SRP19: variants seen among roughly 807,000 people sequenced by gnomAD.
SRP19 encodes the protein signal recognition particle 19 kDa protein.
A neutral mutation model predicts 22.4 loss-of-function variants in SRP19; 11 were observed. The ratio of observed to expected loss-of-function variants is 0.49; its 90% CI spans 0.31 to 0.81. The LOEUF is 0.81. Among genes scored for constraint, SRP19 ranks in the 40% least tolerant of loss-of-function variants. SRP19 has a pLI of 0.05. For missense variants in SRP19, 168 were observed against 175.9 expected (o/e 0.96, Z 0.25); for synonymous variants, 61 against 57.6 (o/e 1.06, Z -0.27).
intron 4 of SRP19, among the ~76,000 whole-genome samples, chr5:112,875,181 T>A (rs892934711): frequency 2.0e-5 from 3 of 152,178 alleles, no homozygotes; most frequent in African/African-American, 7.2e-5. Context: ...AGGAAAACTT[T>A]TAATATCCTC....
rs765408489 is a variant in SRP19 at position 112,867,806 on chromosome 5, C to T, written c.*269C>T. 6 of 1,119,224 alleles carry T rather than the reference C, an allele frequency of 5.4e-6. No individual in the cohort carries two copies. The highest frequency in any genetic ancestry group is 9.4e-5 in the Admixed American group (2 of 21,182). The allele number at this position is 1,119,224 out of a possible 1,614,324, so 69.3% of individuals were successfully genotyped here. On this transcript the variant is annotated 3_prime_UTR_variant, in exon 5 of 5. Transcript: ENST00000505459. Reference sequence around the variant, plus strand: ...ATTTTTAAATGGACAATGGACTGTACAATAAGTTACTTGAAATAAGTTGTT... The same window carrying T: ...ATTTTTAAATGGACAATGGACTGTATAATAAGTTACTTGAAATAAGTTGTT...
At position 112,867,605 on chromosome 5, in the gene SRP19, G is replaced by A. The variant is rs558301950; in HGVS notation, c.*68G>A. The A allele has an allele frequency of 1.9e-5, 28 of 1,441,344 alleles. No homozygotes were observed. The highest frequency in any genetic ancestry group is 7.4e-5 in the East Asian group (3 of 40,612). 89.3% of individuals were successfully genotyped at this position (1,441,344 alleles called of 1,614,324 possible). The stretch of plus-strand genomic sequence containing the variant: ...TGAATGGAGACTTCTAATTTGTATC[G>A]GAGGGAAACAGAAGCTTTTTGTTTG... On this transcript the variant is annotated 3_prime_UTR_variant, in exon 5 of 5. Coordinates refer to ENST00000505459, the MANE Select transcript of SRP19 (RefSeq NM_003135.3).
chr5:112,876,399 A>G (rs894611326), intron 4 of SRP19: 2 of 152,212 alleles, frequency 1.3e-5, no homozygotes, highest in Non-Finnish European at 2.9e-5. Context: ...ATGAGAACTC[A>G]ATTTTATTTA....
At chr5:112,875,357 T>G (rs1184140873) in intron 4 of SRP19, among the ~76,000 whole-genome samples, 1 of 132,550 alleles carries the variant, frequency 7.5e-6, no homozygotes, top group African/African-American at 2.5e-5. Context: ...GAAGTACGTT[T>G]TGTTTTTGTT....
intron 2 of SRP19, among the ~76,000 whole-genome samples, chr5:112,862,894 A>T (rs1345987578): frequency 6.6e-6 from 1 of 152,230 alleles, no homozygotes; most frequent in African/African-American, 2.4e-5. Flanking sequence ...ATAGGAAATC[A>T]AAATTATGAC....
chr5:112,893,061 G>A, exon 5 of SRP19: 1 of 1,106,066 alleles, frequency 9.0e-7, no homozygotes, highest in South Asian at 1.3e-5. Flanking sequence ...GAACTGTTCA[G>A]AGTCCCCAAT....
At chr5:112,862,406 T>C in intron 1 of SRP19, 102 bp from the exon 2 acceptor site, 1 of 934,824 alleles carries the variant, frequency 1.1e-6, no homozygotes, top group Non-Finnish European at 1.7e-6. Flanking sequence ...ACCCATCTGA[T>C]ATCTAGGCAG....
At chr5:112,894,644 T>C (rs1295204719), downstream of SRP19, 1 of 152,238 alleles carries the variant, frequency 6.6e-6, no homozygotes, top group East Asian at 1.9e-4. Context: ...TGTTACTTAC[T>C]ATATTAACTA....
chr5:112,896,717 CA>C (rs1768690474), downstream of SRP19: 3 of 151,114 alleles, frequency 2.0e-5, no homozygotes. Context: ...GGGTGGATCA[CA>C]AGGTCAGGAG....
chr5:112,878,078 G>A (rs992884626), intron 4 of SRP19: 3 of 150,522 alleles, frequency 2.0e-5, no homozygotes, highest in African/African-American at 7.4e-5. Context: ...GCTTTATAAA[G>A]CTATCCTGGT....
chr5:112,893,138 A>G (rs1768551876), downstream of SRP19: 2 of 816,568 alleles, frequency 2.4e-6, no homozygotes, highest in Non-Finnish European at 3.7e-6. Flanking sequence ...GGCCAGGTAT[A>G]GTGGCTCACA....
intron 4 of SRP19, among the ~76,000 whole-genome samples, chr5:112,890,489 C>G (rs949303914): frequency 1.3e-5 from 2 of 150,086 alleles, no homozygotes; most frequent in Non-Finnish European, 2.9e-5. Context: ...CCGCCTCAGC[C>G]CCCCAGGTAG....
downstream of SRP19, among the ~76,000 whole-genome samples, chr5:112,873,951 C>G (rs1767838676): frequency 6.6e-6 from 1 of 150,996 alleles, no homozygotes; most frequent in South Asian, 2.1e-4. Flanking sequence ...ATCACTTGAA[C>G]CCAGGACTTC....
chr5:112,886,066 T>A (rs1379758550), intron 4 of SRP19, among the ~76,000 whole-genome samples: 1 of 152,218 alleles, frequency 6.6e-6, no homozygotes, highest in Non-Finnish European at 1.5e-5. Flanking sequence ...AGGAGGAGAC[T>A]GGCCAATGAA....
At chr5:112,881,624 T>C (rs748303468) in intron 4 of SRP19, among the ~76,000 whole-genome samples, 6 of 152,200 alleles carry the variant, frequency 3.9e-5, no homozygotes, top group Non-Finnish European at 8.8e-5. Flanking sequence ...TTGTTCTTCA[T>C]TGCCACTTTC....
rs192406541 is a variant in SRP19, at chr5:112,889,919, C to T, written c.302-1684C>T. ...TCAGCTCACTGCAACCTCCGCCTCC[C>T]GGATTCAAGCGATTCTCCTGTCTCA... On this transcript the variant is annotated intron_variant, in intron 4 of 4. Coordinates refer to the SRP19 transcript ENST00000391338. Among the ~76,000 whole-genome samples the T allele has an allele frequency of 1.4e-4, 21 of 149,980 alleles. 3 individuals carry two copies. The East Asian group carries it at 3.9e-3, about 28-fold the overall frequency.
At chr5:112,875,862 T>A (rs1357239942) in intron 4 of SRP19, among the ~76,000 whole-genome samples, 1 of 151,642 alleles carries the variant, frequency 6.6e-6, no homozygotes, top group Non-Finnish European at 1.5e-5. Flanking sequence ...CTGGCTAACA[T>A]GGTGAAACCC....
downstream of SRP19, chr5:112,897,717 A>T (rs572161506): frequency 1.3e-5 from 2 of 152,258 alleles, no homozygotes; most frequent in African/African-American, 4.8e-5. Context: ...GCTTTAGAAA[A>T]ATGAAAATAA....
At chr5:112,892,506 TTC>T (rs1491288984) in exon 5 of SRP19, 24 of 1,614,056 alleles carry the variant, frequency 1.5e-5, no homozygotes, top group Middle Eastern at 3.3e-4. Flanking sequence ...AAGCAGCCCT[TTC>T]TCTGTTTAAC....
Sources: gnomAD v4.1 joint callset for allele counts (sites outside exome capture counted in the v4.1 genomes callset) on GRCh38, gnomAD v4.1.1 for gene constraint, MANE v1.5 for transcripts, NCBI Gene and HGNC (gene_info 2026-07-23, HGNC 2026-07-21) for gene names.